Variants in CHCHD6 observed in about 807,000 individuals in gnomAD.
The protein encoded by CHCHD6 is coiled-coil-helix-coiled-coil-helix domain containing 6.
A neutral mutation model predicts 32.3 loss-of-function variants in CHCHD6; 28 were observed. That is an observed-to-expected ratio of 0.87 (90% CI 0.64 to 1.19). CHCHD6 has a LOEUF of 1.19. Among genes scored for constraint, CHCHD6 ranks in the 50% most tolerant of loss-of-function variants. The pLI is 0.00. For missense variants in CHCHD6, 333 were observed against 307.0 expected, an observed-to-expected ratio of 1.08 and a Z score of -0.63; for synonymous variants, 122 against 117.5, an observed-to-expected ratio of 1.04 and a Z score of -0.25.
At position 126,754,439 on chromosome 3, in the gene CHCHD6, C is replaced by T. The variant is rs187401591; in HGVS notation, c.411+21217C>T. ...TCAGCCCCTAAGCCATGTACCTAGCCCTTTGGGATCATGCAAATCTCCCTG... is the reference window on the plus strand; with the variant it reads ...TCAGCCCCTAAGCCATGTACCTAGCTCTTTGGGATCATGCAAATCTCCCTG... On this transcript the variant is annotated intron_variant, in intron 4 of 7. Transcript: ENST00000290913. Among the ~76,000 whole-genome samples the T allele has an allele frequency of 2.3e-4, 35 of 152,286 alleles. No individual in the cohort carries two copies. The East Asian group carries it at 4.1e-3, about 18-fold the overall frequency.
chr3:126,855,582 G>C (rs1941636201), intron 5 of CHCHD6, among the ~76,000 whole-genome samples: 1 of 152,124 alleles, frequency 6.6e-6, no homozygotes, highest in Non-Finnish European at 1.5e-5. Context: ...AAGGTGGCCT[G>C]ACCCCAACAC....
intron 5 of CHCHD6, among the ~76,000 whole-genome samples, chr3:126,893,921 G>A (rs942443176): frequency 2.0e-5 from 3 of 152,252 alleles, no homozygotes; most frequent in African/African-American, 7.2e-5. Context: ...GTGATTGGCA[G>A]AGGAGGAGGC....
intron 5 of CHCHD6, among the ~76,000 whole-genome samples, chr3:126,858,416 C>G (rs1056618981): frequency 1.3e-5 from 2 of 152,088 alleles, no homozygotes; most frequent in African/African-American, 2.4e-5. Flanking sequence ...AGTCGGCACA[C>G]GAGGCTTCAT....
At chr3:126,859,959 T>G (rs1941800776) in intron 5 of CHCHD6, among the ~76,000 whole-genome samples, 1 of 152,034 alleles carries the variant, frequency 6.6e-6, no homozygotes, top group Admixed American at 6.6e-5. Flanking sequence ...GGGTTCCATG[T>G]AGGGTTCAGG....
intron 6 of CHCHD6, among the ~76,000 whole-genome samples, chr3:126,952,239 C>G (rs1386040768): frequency 6.6e-6 from 1 of 152,154 alleles, no homozygotes; most frequent in Non-Finnish European, 1.5e-5. Flanking sequence ...TGGGAGTGCT[C>G]TGTGGGCATG....
chr3:126,838,340 A>G (rs1289721855), intron 4 of CHCHD6, among the ~76,000 whole-genome samples: 1 of 152,084 alleles, frequency 6.6e-6, no homozygotes, highest in East Asian at 1.9e-4. Context: ...TGGCACAGGT[A>G]GGTGGTTTTG....
At chr3:126,890,791 C>T (rs1227086062) in intron 5 of CHCHD6, among the ~76,000 whole-genome samples, 4 of 152,154 alleles carry the variant, frequency 2.6e-5, no homozygotes, top group South Asian at 2.1e-4. Flanking sequence ...TTCTGAGCAG[C>T]GGTTCTCAGC....
At chr3:126,771,918 A>G (rs1326904645) in intron 4 of CHCHD6, among the ~76,000 whole-genome samples, 2 of 152,270 alleles carry the variant, frequency 1.3e-5, no homozygotes, top group East Asian at 1.9e-4. Flanking sequence ...TGTATGTGCC[A>G]TGTGGCAATA....
In CHCHD6 at chr3:126,835,140, C is replaced by G. The variant is rs530671884; in HGVS notation, c.412-17507C>G. Among the ~76,000 whole-genome samples the G allele has an allele frequency of 2.6e-5, 4 of 152,216 alleles. No homozygotes were observed. The South Asian group carries it at 8.3e-4, about 32-fold the overall frequency. On this transcript the variant is annotated intron_variant, in intron 4 of 7. Transcript: ENST00000290913. ...CAGCCTCTGGGGCCCCTGAGGGGCCCCTGAGAGCTTAACTGATGGAGATGG... is the reference window on the plus strand; with the variant it reads ...CAGCCTCTGGGGCCCCTGAGGGGCCGCTGAGAGCTTAACTGATGGAGATGG...
intron 4 of CHCHD6, among the ~76,000 whole-genome samples, chr3:126,805,946 G>A (rs1390755216): frequency 6.6e-6 from 1 of 152,100 alleles, no homozygotes; most frequent in East Asian, 1.9e-4. Context: ...AACAAGCAAT[G>A]GGGAAAGGAT....
chr3:126,883,635 G>A (rs904915425), intron 5 of CHCHD6, among the ~76,000 whole-genome samples: 6 of 152,152 alleles, frequency 3.9e-5, no homozygotes, highest in Admixed American at 1.3e-4. Flanking sequence ...CTTTCTGCCC[G>A]GATTACCAGC....
At chr3:126,712,104 A>G (rs1247194689) in intron 1 of CHCHD6, among the ~76,000 whole-genome samples, 1 of 152,166 alleles carries the variant, frequency 6.6e-6, no homozygotes, top group East Asian at 1.9e-4. Flanking sequence ...AGGATGGTTG[A>G]AGGCCCAGAC....
intron 1 of CHCHD6, among the ~76,000 whole-genome samples, chr3:126,706,647 G>GTCCT (rs1261770774): frequency 6.6e-6 from 1 of 152,204 alleles, no homozygotes. Flanking sequence ...TGAGAGCCAC[G>GTCCT]TCCTTCCTTC....
chr3:126,902,082 G>T (rs2077936453), intron 5 of CHCHD6, among the ~76,000 whole-genome samples: 1 of 152,234 alleles, frequency 6.6e-6, no homozygotes. Flanking sequence ...CTCCAGCTCA[G>T]GTTCCCTGAC....
intron 4 of CHCHD6, among the ~76,000 whole-genome samples, chr3:126,831,777 C>A (rs1457777271): frequency 2.0e-5 from 3 of 152,174 alleles, no homozygotes. Context: ...AAACTCAAGC[C>A]ATCCTTTACC....
chr3:126,790,469 G>A (rs955534302), intron 4 of CHCHD6, among the ~76,000 whole-genome samples: 5 of 152,158 alleles, frequency 3.3e-5, no homozygotes, highest in East Asian at 1.9e-4. Flanking sequence ...CCAATCAGAC[G>A]TAGATTTGGT....
At chr3:126,786,230 T>A (rs1254429057) in intron 4 of CHCHD6, among the ~76,000 whole-genome samples, 2 of 152,218 alleles carry the variant, frequency 1.3e-5, no homozygotes, top group African/African-American at 4.8e-5. Context: ...TCTATCATTG[T>A]TGGACATTTG....
intron 7 of CHCHD6, among the ~76,000 whole-genome samples, 162 bp from the exon 8 acceptor site, chr3:126,960,034 G>A (rs1307212953): frequency 6.6e-6 from 1 of 152,186 alleles, no homozygotes; most frequent in Non-Finnish European, 1.5e-5. Flanking sequence ...GGGCTCCGGG[G>A]TACAGAGGTG....
intron 4 of CHCHD6, among the ~76,000 whole-genome samples, chr3:126,789,275 G>A (rs1038923929): frequency 1.3e-5 from 2 of 152,186 alleles, no homozygotes; most frequent in African/African-American, 4.8e-5. Flanking sequence ...GTGCGGTGTG[G>A]TGCTGAGAAG....
Sources: allele counts gnomAD v4.1 joint callset (sites outside exome capture counted in the v4.1 genomes callset), GRCh38; gene constraint gnomAD v4.1.1; transcripts MANE v1.5; gene names NCBI Gene and HGNC (gene_info 2026-07-23, HGNC 2026-07-21).